USP22: variants seen among roughly 807,000 people sequenced by gnomAD.
The protein encoded by USP22 is ubiquitin carboxyl-terminal hydrolase 22.
Under a neutral mutation model 68.1 loss-of-function variants are expected in USP22, and 22 were observed. The ratio of observed to expected loss-of-function variants is 0.32; its 90% CI spans 0.23 to 0.46. The LOEUF (loss-of-function observed/expected upper bound fraction) is 0.46, where lower values mean the gene tolerates loss of function less well. Among genes scored for constraint, USP22 ranks in the 20% least tolerant of loss-of-function variants. The pLI, the probability that USP22 is intolerant of heterozygous loss-of-function variation, is 1.00. For synonymous variants in USP22, 279 were observed against 274.2 expected, an observed-to-expected ratio of 1.02 and a Z score of -0.17; for missense variants, 433 against 695.8, an observed-to-expected ratio of 0.62 and a Z score of 4.25.
At position 21,015,788 on chromosome 17, in the gene USP22, T is replaced by C. The variant is rs1215191498; in HGVS notation, c.802A>G (p.Ile268Val). ...YEQQDAHEFL[I>V]AALDVLHRHC... is the part of the protein sequence containing the mutation. ...CGGTGGAGCACGTCCAGGGCCGCGA[T>C]GAGGAACTCGTGGGCGTCCTGCTGC... The change falls in exon 6 of 13, where the codon ATC becomes GTC. Residue 268 changes from isoleucine to valine, a missense_variant. Around this residue, in one of 4 missense-constraint regions of USP22, gnomAD observed 178 missense variants for 351.5 expected, o/e 0.51. Transcript: ENST00000261497. 6.2e-7 allele frequency: 1 copy of C among 1,613,908 alleles called. No homozygotes were observed. The highest frequency in any genetic ancestry group is 8.5e-7 in the Non-Finnish European group (1 of 1,180,012).
chr17:21,036,582 T>C (rs770711335), intron 1 of USP22, among the ~76,000 whole-genome samples: 2 of 150,418 alleles, frequency 1.3e-5, no homozygotes, highest in Non-Finnish European at 2.9e-5. Flanking sequence ...CCTCTCTTCA[T>C]GTATACCAAA....
intron 2 of USP22, among the ~76,000 whole-genome samples, chr17:21,021,863 G>C (rs1972160302): frequency 6.6e-6 from 1 of 152,186 alleles, no homozygotes; most frequent in South Asian, 2.1e-4. Context: ...ACTTTGGGAA[G>C]CCGATGTAGG....
chr17:21,034,576 C>T (rs551150778), intron 1 of USP22, among the ~76,000 whole-genome samples: 1 of 152,298 alleles, frequency 6.6e-6, no homozygotes, highest in South Asian at 2.1e-4. Flanking sequence ...TGAGTGACAT[C>T]CCGCTCTGTC....
intron 2 of USP22, among the ~76,000 whole-genome samples, chr17:21,022,226 C>T (rs775787102): frequency 6.6e-6 from 1 of 152,132 alleles, no homozygotes; most frequent in Non-Finnish European, 1.5e-5. Flanking sequence ...TGTTCACAGT[C>T]GTTTCCTTTG....
intron 4 of USP22, 107 bp downstream of exon 4, chr17:21,018,977 T>C (rs1972121759): frequency 4.3e-6 from 5 of 1,155,582 alleles, no homozygotes; most frequent in South Asian, 1.3e-5. Flanking sequence ...GTGACAGTTA[T>C]GCAGGGCTTC....
intron 1 of USP22, 143 bp downstream of exon 1, chr17:21,042,522 G>A: frequency 2.6e-6 from 2 of 766,644 alleles, no homozygotes; most frequent in African/African-American, 1.8e-5. Flanking sequence ...AAAGAGAAGA[G>A]AGGGCAGAAG....
At chr17:21,005,574 C>G (rs1483606453) in intron 10 of USP22, among the ~76,000 whole-genome samples, 1 of 152,192 alleles carries the variant, frequency 6.6e-6, no homozygotes, top group East Asian at 1.9e-4. Flanking sequence ...ACTGTCACCT[C>G]CCTCAGTACG....
intron 2 of USP22, among the ~76,000 whole-genome samples, chr17:21,022,784 G>GC (rs1972172103): frequency 7.4e-6 from 1 of 135,812 alleles, no homozygotes; most frequent in African/African-American, 2.7e-5. Flanking sequence ...GGGCAACAGA[G>GC]CGAGACTCCG....
In USP22 at chr17:21,035,375, G is replaced by A. The variant is rs528118540; in HGVS notation, c.172-6701C>T. 5.3e-5 allele frequency among the ~76,000 whole-genome samples: 8 copies of A among 152,218 alleles called. No individual in the cohort carries two copies. In the South Asian group the frequency reaches 1.2e-3, roughly 24 times the overall value. The stretch of plus-strand genomic sequence containing the variant: ...AAAAAGACTCACATATCCATTAGGC[G>A]GGTCATTTTAATCCTTGAAAACTGA... On this transcript the variant is annotated intron_variant, in intron 1 of 12. Coordinates refer to ENST00000261497, the MANE Select transcript of USP22 (RefSeq NM_015276.2).
chr17:21,005,081 G>A (rs1211341695), intron 10 of USP22, 91 bp from the exon 11 acceptor site: 4 of 1,433,338 alleles, frequency 2.8e-6, no homozygotes, highest in Non-Finnish European at 3.9e-6. Flanking sequence ...ATCCAAGCTT[G>A]ACCATGCAGA....
At chr17:21,032,052 G>A (rs1423716255) in intron 1 of USP22, among the ~76,000 whole-genome samples, 1 of 152,252 alleles carries the variant, frequency 6.6e-6, no homozygotes, top group Admixed American at 6.5e-5. Context: ...GGCGGTCCCA[G>A]AAGATTATAG....
intron 1 of USP22, among the ~76,000 whole-genome samples, chr17:21,030,459 A>G (rs1181162113): frequency 6.6e-6 from 1 of 152,198 alleles, no homozygotes; most frequent in African/African-American, 2.4e-5. Flanking sequence ...ATACAGTTTC[A>G]GAGTATCACT....
chr17:21,007,365 T>A (rs1425909088), intron 9 of USP22, among the ~76,000 whole-genome samples: 1 of 152,156 alleles, frequency 6.6e-6, no homozygotes, highest in Non-Finnish European at 1.5e-5. Flanking sequence ...AGTCACCCAT[T>A]CCAGCCAGCA....
chr17:21,037,657 G>A (rs1465689967), intron 1 of USP22, among the ~76,000 whole-genome samples: 1 of 152,172 alleles, frequency 6.6e-6, no homozygotes, highest in Non-Finnish European at 1.5e-5. Flanking sequence ...GAGCCCAAGA[G>A]GACGTGAAGA....
chr17:21,012,814 G>C lies in USP22; in HGVS notation c.944+16C>G. On this transcript the variant is annotated intron_variant, in intron 7 of 12. Transcript: ENST00000261497. ...CAGAGGGTTTGATATTGCCGAGCACGCAGCCTCTCACTTACTGGCAGACTT... is the reference window on the plus strand; with the variant it reads ...CAGAGGGTTTGATATTGCCGAGCACCCAGCCTCTCACTTACTGGCAGACTT... 6.2e-7 allele frequency: 1 copy of C among 1,610,456 alleles called. No homozygotes were observed.
At chr17:21,009,028 T>C (rs1221890299) in intron 8 of USP22, among the ~76,000 whole-genome samples, 1 of 138,590 alleles carries the variant, frequency 7.2e-6, no homozygotes, top group Admixed American at 8.0e-5. Context: ...GAGATGGAGG[T>C]TGCAGTGAGC....
chr17:21,017,762 C>T (rs544651768), intron 5 of USP22, among the ~76,000 whole-genome samples, 180 bp downstream of exon 5: 90 of 152,340 alleles, frequency 5.9e-4, no homozygotes, highest in African/African-American at 1.9e-3. Flanking sequence ...CCAAAAATCA[C>T]GCCAGGTCTT....
chr17:21,014,995 G>A (rs1914086801), intron 6 of USP22, among the ~76,000 whole-genome samples: 1 of 152,212 alleles, frequency 6.6e-6, no homozygotes, highest in Admixed American at 6.5e-5. Context: ...ACCTGCAAGT[G>A]ACCAGCCCAC....
At position 21,042,922 on chromosome 17, in the gene USP22, G is replaced by T; in HGVS notation, c.-87C>A. 1.1e-6 allele frequency: 1 copy of T among 917,438 alleles called. No individual in the cohort carries two copies. Among genetic ancestry groups the T allele is most frequent in the Non-Finnish European group, 1.4e-6 (1 of 711,632 alleles). The allele number at this position is 917,438 out of a possible 1,614,324, so 56.8% of individuals were successfully genotyped here. A position where few individuals can be genotyped will look rare whatever the true frequency, so the allele number is the denominator to read the frequency against. Reference sequence around the variant, plus strand: ...GCGGCGTGGGGGCTGCTCGGCGGCTGGCCAGGCTGGCCAAGGCCCGGGCGC... The same window carrying T: ...GCGGCGTGGGGGCTGCTCGGCGGCTTGCCAGGCTGGCCAAGGCCCGGGCGC... On this transcript the variant is annotated 5_prime_UTR_variant, in exon 1 of 13. Transcript: ENST00000261497.
Sources: gnomAD v4.1 joint callset for allele counts (sites outside exome capture counted in the v4.1 genomes callset) on GRCh38, gnomAD v4.1.1 for gene constraint, gnomAD v4.1.1 regional missense constraint, MANE v1.5 for transcripts, NCBI Gene and HGNC (gene_info 2026-07-23, HGNC 2026-07-21) for gene names.